TENM3: variants seen among roughly 807,000 people sequenced by gnomAD.
TENM3 encodes the protein teneurin transmembrane protein 3.
Under a neutral mutation model 255.1 loss-of-function variants are expected in TENM3, and 63 were observed. The ratio of observed to expected loss-of-function variants is 0.25; its 90% confidence interval spans 0.20 to 0.30. The LOEUF is 0.30. Ranked by LOEUF, TENM3 falls within the 10% of genes least tolerant of loss-of-function variation. TENM3 has a pLI of 1.00. For synonymous variants in TENM3, 1,306 were observed against 1,322.3 expected (o/e 0.99, Z 0.27); for missense variants, 2,929 against 3,461.1 (o/e 0.85, Z 3.86).
chr4:181,479,840 C>T, the TENM3 span, among the ~76,000 whole-genome samples: 6 of 152,194 alleles, frequency 3.9e-5, no homozygotes, highest in Non-Finnish European at 8.8e-5. Flanking sequence ...ATTAAAATAG[C>T]TCTAACTCAC....
chr4:181,959,337 C>G, the TENM3 span, among the ~76,000 whole-genome samples: 4 of 152,140 alleles, frequency 2.6e-5, no homozygotes, highest in African/African-American at 9.7e-5. Context: ...GACTGACTCA[C>G]TCACTGAAGC....
chr4:182,527,941 T>C (rs1342838792), intron 3 of TENM3, among the ~76,000 whole-genome samples: 1 of 152,146 alleles, frequency 6.6e-6, no homozygotes, highest in East Asian at 1.9e-4. Flanking sequence ...TTGGCCAGGA[T>C]GGTCTCCATC....
the TENM3 span, among the ~76,000 whole-genome samples, chr4:181,690,024 G>A: frequency 6.6e-5 from 10 of 152,174 alleles, no homozygotes; most frequent in Admixed American, 5.9e-4. Flanking sequence ...AGATTGCCAT[G>A]TGCATATTGA....
chr4:181,690,459 GAGGT>G, the TENM3 span, among the ~76,000 whole-genome samples: 1 of 152,158 alleles, frequency 6.6e-6, no homozygotes, highest in African/African-American at 2.4e-5. Context: ...ATATATAACT[GAGGT>G]AGGCAAGGAT....
At chr4:181,461,946 A>G in the TENM3 span, among the ~76,000 whole-genome samples, 1 of 152,096 alleles carries the variant, frequency 6.6e-6, no homozygotes, top group Non-Finnish European at 1.5e-5. Flanking sequence ...GACATTATGA[A>G]TTTTACATTT....
At chr4:182,743,542 C>A in intron 19 of TENM3, 123 bp downstream of exon 19, 2 of 1,092,864 alleles carry the variant, frequency 1.8e-6, no homozygotes, top group African/African-American at 1.6e-5. Flanking sequence ...AAATTTCCCC[C>A]AGAAAGAAGT....
chr4:182,580,426 T>C (rs1443884590), intron 3 of TENM3, among the ~76,000 whole-genome samples: 1 of 152,174 alleles, frequency 6.6e-6, no homozygotes, highest in Admixed American at 6.5e-5. Flanking sequence ...CTATTTTTAT[T>C]TTTCTTCTTC....
chr4:182,783,228 G>A (rs1411070215), intron 24 of TENM3, among the ~76,000 whole-genome samples: 2 of 152,170 alleles, frequency 1.3e-5, no homozygotes, highest in Non-Finnish European at 2.9e-5. Flanking sequence ...GCTTCCTTCA[G>A]GAGCTCTTTT....
the TENM3 span, among the ~76,000 whole-genome samples, chr4:182,097,688 G>A: frequency 1.3e-5 from 2 of 152,148 alleles, no homozygotes; most frequent in South Asian, 4.1e-4. Flanking sequence ...GTCCGGAAAA[G>A]GCCCAAGGAG....
At chr4:182,135,245 T>A in the TENM3 span, among the ~76,000 whole-genome samples, 1 of 145,516 alleles carries the variant, frequency 6.9e-6, no homozygotes, top group Non-Finnish European at 1.5e-5. Context: ...CCAAAAATGA[T>A]CCAAAGTTTT....
the TENM3 span, among the ~76,000 whole-genome samples, chr4:181,918,788 T>C: frequency 6.6e-6 from 1 of 152,118 alleles, no homozygotes; most frequent in Non-Finnish European, 1.5e-5. Context: ...CCTCTGTCCC[T>C]GAAGGTATAT....
At chr4:181,475,892 C>T in the TENM3 span, among the ~76,000 whole-genome samples, 5 of 152,226 alleles carry the variant, frequency 3.3e-5, no homozygotes, top group Non-Finnish European at 7.3e-5. Context: ...TTCTCCTTTT[C>T]CTTGGCTCTG....
At chr4:182,711,790 G>T (rs1401262325) in intron 12 of TENM3, among the ~76,000 whole-genome samples, 1 of 151,966 alleles carries the variant, frequency 6.6e-6, no homozygotes, top group Non-Finnish European at 1.5e-5. Flanking sequence ...TATAATTTTG[G>T]GTTATCACAG....
chr4:182,581,104 G>A (rs770503422), intron 3 of TENM3, among the ~76,000 whole-genome samples: 1 of 152,072 alleles, frequency 6.6e-6, no homozygotes, highest in South Asian at 2.1e-4. Context: ...TAGAACATGT[G>A]TAAGGTTAAA....
intron 3 of TENM3, among the ~76,000 whole-genome samples, chr4:182,365,950 C>T (rs927376892): frequency 8.5e-5 from 13 of 152,164 alleles, no homozygotes; most frequent in Middle Eastern, 3.2e-3. Flanking sequence ...TGTGTATCTA[C>T]ACCTAGAAAA....
chr4:182,253,399 G>A (rs570126640), intron 1 of TENM3, among the ~76,000 whole-genome samples: 41 of 152,202 alleles, frequency 2.7e-4, no homozygotes, highest in Non-Finnish European at 4.4e-4. Context: ...CTTGCACCCA[G>A]GAGGCAAAGG....
chr4:182,597,978 G>A (rs575650782), intron 3 of TENM3, among the ~76,000 whole-genome samples: 12 of 152,118 alleles, frequency 7.9e-5, no homozygotes, highest in Non-Finnish European at 1.0e-4. Flanking sequence ...TCTGGAGTTC[G>A]AGACCAGTCT....
the TENM3 span, among the ~76,000 whole-genome samples, chr4:181,561,842 CTG>C: frequency 1.3e-5 from 2 of 152,194 alleles, no homozygotes; most frequent in Admixed American, 1.3e-4. Flanking sequence ...ATGAACAACA[CTG>C]TTATGCCTTT....
intron 1 of TENM3, among the ~76,000 whole-genome samples, chr4:182,148,937 A>G (rs751679467): frequency 3.3e-5 from 5 of 152,042 alleles, no homozygotes; most frequent in Admixed American, 1.3e-4. Context: ...TAAGATTAAT[A>G]TAGATTAGCA....
Sources: allele counts gnomAD v4.1 joint callset (sites outside exome capture counted in the v4.1 genomes callset), GRCh38; gene constraint gnomAD v4.1.1; transcripts MANE v1.5; gene names NCBI Gene and HGNC (gene_info 2026-07-23, HGNC 2026-07-21).